DNAJB6: variants seen among roughly 807,000 people sequenced by gnomAD.
DNAJB6 encodes DnaJ heat shock protein family (Hsp40) member B6, also known as dnaJ homolog subfamily B member 6.
In DNAJB6, 16 loss-of-function variants were observed where a neutral mutation model predicts 42.7. The ratio of observed to expected loss-of-function variants is 0.37; its 90% CI spans 0.25 to 0.57. The LOEUF (loss-of-function observed/expected upper bound fraction) is 0.57. DNAJB6 is among the 20% of genes least tolerant of loss of function. The pLI is 0.74. For synonymous variants in DNAJB6, 170 were observed against 163.5 expected, an observed-to-expected ratio of 1.04 and a Z score of -0.30; for missense variants, 347 against 416.8, an observed-to-expected ratio of 0.83 and a Z score of 1.46.
intron 5 of DNAJB6, chr7:157,369,066 A>C: frequency 2.8e-6 from 1 of 361,756 alleles, no homozygotes; most frequent in South Asian, 2.1e-5. Flanking sequence ...CTGAGGGAGG[A>C]AGGACAGTCA....
chr7:157,382,031 A>T (rs1338230931), intron 5 of DNAJB6: 1 of 421,986 alleles, frequency 2.4e-6, no homozygotes, highest in African/African-American at 2.1e-5. Flanking sequence ...TATTTGATAC[A>T]ATGTATTGTA....
At chr7:157,342,463 G>A (rs571626033) in intron 1 of DNAJB6, among the ~76,000 whole-genome samples, 3 of 144,736 alleles carry the variant, frequency 2.1e-5, no homozygotes, top group East Asian at 4.4e-4. Context: ...TCAGCCTCCC[G>A]AGTACATGGG....
intron 1 of DNAJB6, among the ~76,000 whole-genome samples, chr7:157,343,945 T>A (rs915046699): frequency 6.6e-6 from 1 of 152,200 alleles, no homozygotes; most frequent in African/African-American, 2.4e-5. Flanking sequence ...TCCTAAGAAA[T>A]ATTTTTTCTT....
intron 6 of DNAJB6, among the ~76,000 whole-genome samples, chr7:157,384,020 C>G: frequency 6.6e-6 from 1 of 152,166 alleles, no homozygotes; most frequent in Non-Finnish European, 1.5e-5. Context: ...ACACCACCAG[C>G]CCTAGACAGT....
At chr7:157,346,577 AAAAG>A (rs1181327844) in intron 1 of DNAJB6, among the ~76,000 whole-genome samples, 6 of 152,168 alleles carry the variant, frequency 3.9e-5, no homozygotes, top group African/African-American at 1.4e-4. Context: ...CTGAGGAAAA[AAAAG>A]ATAGTGTTAC....
intron 1 of DNAJB6, among the ~76,000 whole-genome samples, chr7:157,356,390 GT>G (rs1257190357): frequency 6.6e-6 from 1 of 152,194 alleles, no homozygotes; most frequent in Non-Finnish European, 1.5e-5. Flanking sequence ...TGATGGGCAG[GT>G]TTTTAGTTAC....
At chr7:157,366,587 A>G in intron 4 of DNAJB6, 26 bp downstream of exon 4, 1 of 1,606,194 alleles carries the variant, frequency 6.2e-7, no homozygotes, top group South Asian at 1.1e-5. Flanking sequence ...TTTTCTTTGA[A>G]GACAAAAGGT....
chr7:157,374,219 G>A (rs185022094), intron 5 of DNAJB6, among the ~76,000 whole-genome samples: 8 of 152,220 alleles, frequency 5.3e-5, no homozygotes, highest in East Asian at 3.9e-4. Flanking sequence ...GGTTGTGTGC[G>A]TATTTGAGAA....
intron 5 of DNAJB6, among the ~76,000 whole-genome samples, chr7:157,376,485 A>AT (rs1800478796): frequency 6.6e-6 from 1 of 152,184 alleles, no homozygotes; most frequent in African/African-American, 2.4e-5. Context: ...ATTTGAAGAG[A>AT]TGTATTCTGA....
intron 1 of DNAJB6, among the ~76,000 whole-genome samples, chr7:157,350,678 A>G (rs144633954): frequency 2.0e-5 from 3 of 148,108 alleles, no homozygotes; most frequent in African/African-American, 7.3e-5. Context: ...GTACTTGGAG[A>G]CAACAACCTT....
At chr7:157,370,020 G>A (rs758272442) in intron 5 of DNAJB6, among the ~76,000 whole-genome samples, 3 of 145,316 alleles carry the variant, frequency 2.1e-5, no homozygotes, top group Non-Finnish European at 4.5e-5. Context: ...TATTAAAGAG[G>A]CCCTTTCTTA....
chr7:157,353,998 C>T (rs908351980), intron 1 of DNAJB6, among the ~76,000 whole-genome samples: 2 of 152,088 alleles, frequency 1.3e-5, no homozygotes, highest in Non-Finnish European at 2.9e-5. Flanking sequence ...TTTAAATTTT[C>T]TTGCTTGATC....
intron 9 of DNAJB6, chr7:157,411,879 C>T (rs1312232173): frequency 6.6e-6 from 1 of 152,222 alleles, no homozygotes; most frequent in East Asian, 1.9e-4. Context: ...TTCTCGGCTT[C>T]CCCGCCATAC....
Position 157,416,731 on chromosome 7 carries a change from G to A in DNAJB6, c.*633G>A, listed in dbSNP as rs1011907637. ...TTCAAATATGGTGTAGGTTTTGCTA[G>A]ATTCCATATTTTTTTCTTGGATTTT... On this transcript the variant is annotated 3_prime_UTR_variant, in exon 10 of 10. Transcript: ENST00000262177. 6.6e-6 allele frequency: 1 copy of A among 152,186 alleles called. No individual in the cohort carries two copies. Among genetic ancestry groups the A allele is most frequent in the Non-Finnish European group, 1.5e-5 (1 of 68,046 alleles). 9.4% of individuals were successfully genotyped at this position (152,186 alleles called of 1,614,324 possible). A position where few individuals can be genotyped will look rare whatever the true frequency, so the allele number is the denominator to read the frequency against.
chr7:157,344,512 C>CAA (rs879823551), intron 1 of DNAJB6, among the ~76,000 whole-genome samples: 4 of 133,146 alleles, frequency 3.0e-5, no homozygotes, highest in African/African-American at 5.5e-5. Flanking sequence ...GACTCAAACT[C>CAA]AAAAAAAAAA....
chr7:157,355,625 G>T (rs1282483370), intron 1 of DNAJB6, among the ~76,000 whole-genome samples: 1 of 152,206 alleles, frequency 6.6e-6, no homozygotes, highest in Non-Finnish European at 1.5e-5. Flanking sequence ...GCAGTGGGGA[G>T]CTGCAGCAGG....
At chr7:157,397,421 T>C (rs1208375423) in intron 8 of DNAJB6, among the ~76,000 whole-genome samples, 1 of 152,212 alleles carries the variant, frequency 6.6e-6, no homozygotes, top group Admixed American at 6.5e-5. Flanking sequence ...CGGTGGTGTG[T>C]TCAGCTCTGA....
At chr7:157,365,370 AG>A (rs1404978015) in intron 3 of DNAJB6, among the ~76,000 whole-genome samples, 1 of 152,250 alleles carries the variant, frequency 6.6e-6, no homozygotes, top group Admixed American at 6.5e-5. Context: ...GAAGACTGTC[AG>A]TGGAGAGGGG....
chr7:157,353,078 A>ATT (rs551030018), intron 1 of DNAJB6, among the ~76,000 whole-genome samples: 1,675 of 148,888 alleles, frequency 0.011, 32 homozygotes, highest in East Asian at 0.064. Context: ...GCCCTATCAA[A>ATT]TTTTTTTTTT....
Sources: allele counts gnomAD v4.1 joint callset (sites outside exome capture counted in the v4.1 genomes callset), GRCh38; gene constraint gnomAD v4.1.1; transcripts MANE v1.5; gene names NCBI Gene and HGNC (gene_info 2026-07-23, HGNC 2026-07-21).